SLC39A11: variants seen among roughly 807,000 people sequenced by gnomAD.
The protein encoded by SLC39A11 is solute carrier family 39 member 11.
A neutral mutation model predicts 36.1 loss-of-function variants in SLC39A11; 33 were observed. The ratio of observed to expected loss-of-function variants is 0.91; its 90% CI spans 0.69 to 1.22. The LOEUF (loss-of-function observed/expected upper bound fraction) is 1.22, where lower values mean the gene tolerates loss of function less well. Among genes scored for constraint, SLC39A11 ranks in the 50% most tolerant of loss-of-function variants. The pLI is 0.00. For missense variants in SLC39A11, 432 were observed against 430.3 expected, an observed-to-expected ratio of 1.00 and a Z score of -0.03; for synonymous variants, 166 against 170.3, an observed-to-expected ratio of 0.97 and a Z score of 0.20.
chr17:72,919,681 A>AG (rs1013620667), intron 5 of SLC39A11, among the ~76,000 whole-genome samples: 2 of 146,498 alleles, frequency 1.4e-5, no homozygotes, highest in Non-Finnish European at 3.0e-5. Context: ...AAAAAAAAAA[A>AG]AAAAGAAAAA....
intron 8 of SLC39A11, 71 bp downstream of exon 8, chr17:72,649,099 A>G (rs2069724417): frequency 1.9e-6 from 3 of 1,561,822 alleles, no homozygotes; most frequent in East Asian, 2.3e-5. Flanking sequence ...GCAAAAGCAC[A>G]TCACTGTTTT....
At chr17:72,997,221 C>A (rs767476709) in intron 4 of SLC39A11, among the ~76,000 whole-genome samples, 9 of 152,128 alleles carry the variant, frequency 5.9e-5, no homozygotes, top group Admixed American at 5.9e-4. Context: ...AATGAACGAG[C>A]CGGCCTGCTG....
At chr17:72,891,726 A>G (rs1325717947) in intron 5 of SLC39A11, among the ~76,000 whole-genome samples, 1 of 152,036 alleles carries the variant, frequency 6.6e-6, no homozygotes, top group Non-Finnish European at 1.5e-5. Flanking sequence ...ACACACACAG[A>G]TACATACATA....
chr17:72,956,447 T>G (rs1244506381), intron 4 of SLC39A11, among the ~76,000 whole-genome samples: 1 of 152,246 alleles, frequency 6.6e-6, no homozygotes, highest in Non-Finnish European at 1.5e-5. Flanking sequence ...CTAGGTCTCC[T>G]ACTAGCACGG....
chr17:72,849,753 C>T lies in SLC39A11; in HGVS notation c.482G>A (p.Gly161Asp), dbSNP rs1338912624. The change falls in exon 6 of 10, where the codon GGC becomes GAC. Residue 161 changes from glycine to aspartate, a missense_variant. Coordinates refer to ENST00000255559, the MANE Select transcript of SLC39A11 (RefSeq NM_139177.4). ...AYQRKKAAAT[G>D]LPEGPAVPVP... is the part of the protein sequence containing the mutation. ...AGGGACAGCAGGACCCTCTGGAAGG[C>T]CAGTGGCTGCCGCCTTCTTTCTCTG... 6.2e-7 allele frequency: 1 copy of T among 1,605,528 alleles called. No homozygotes were observed. The highest frequency in any genetic ancestry group is 8.5e-7 in the Non-Finnish European group (1 of 1,177,344).
At chr17:72,917,938 G>C (rs1045648653) in intron 5 of SLC39A11, among the ~76,000 whole-genome samples, 5 of 152,234 alleles carry the variant, frequency 3.3e-5, no homozygotes, top group African/African-American at 1.2e-4. Flanking sequence ...AGGTGGCCAA[G>C]GAACAGAATG....
At chr17:72,803,429 T>C (rs544230984) in intron 6 of SLC39A11, among the ~76,000 whole-genome samples, 3 of 152,220 alleles carry the variant, frequency 2.0e-5, no homozygotes, top group Non-Finnish European at 4.4e-5. Context: ...AGGCATGAAA[T>C]GCCACACGCA....
rs530472987 is a variant in SLC39A11, at chr17:72,906,820, C to A, written c.430+40932G>T. 5.3e-5 allele frequency among the ~76,000 whole-genome samples: 8 copies of A among 152,342 alleles called. No homozygotes were observed. In the South Asian group the frequency reaches 1.7e-3, roughly 32 times the overall value. On this transcript the variant is annotated intron_variant, in intron 5 of 9. Transcript: ENST00000255559. ...TCACTATGATGTGTCTTATCTTCCA[C>A]CTGCTTACACTCACCTGGAAACCTG...
intron 7 of SLC39A11, among the ~76,000 whole-genome samples, chr17:72,727,447 A>T (rs1222823678): frequency 6.6e-6 from 1 of 152,002 alleles, no homozygotes; most frequent in African/African-American, 2.4e-5. Context: ...AGGTCAGGAG[A>T]TGGAGACCAT....
intron 6 of SLC39A11, among the ~76,000 whole-genome samples, chr17:72,801,858 T>C (rs2077095619): frequency 1.3e-5 from 2 of 152,244 alleles, no homozygotes; most frequent in Admixed American, 1.3e-4. Context: ...ATGTCAGTTA[T>C]GCCTCAATAA....
chr17:73,004,214 A>AGGAAGGAAAGAAAGAAAG (rs1568105777), intron 4 of SLC39A11, among the ~76,000 whole-genome samples: 1 of 129,876 alleles, frequency 7.7e-6, no homozygotes, highest in African/African-American at 2.8e-5. Context: ...AAAGAAAGAA[A>AGGAAGGAAAGAAAGAAAG]GAAAGAAAGA....
At chr17:73,074,656 G>A (rs2060265137) in intron 3 of SLC39A11, among the ~76,000 whole-genome samples, 2 of 152,084 alleles carry the variant, frequency 1.3e-5, no homozygotes, top group South Asian at 4.1e-4. Context: ...GAGAACAGCT[G>A]GTCACTATCA....
intron 3 of SLC39A11, among the ~76,000 whole-genome samples, chr17:73,044,785 G>A (rs1260107162): frequency 6.6e-6 from 1 of 151,646 alleles, no homozygotes; most frequent in Non-Finnish European, 1.5e-5. Flanking sequence ...GCTGAGGCAG[G>A]AGAATCACTT....
chr17:73,071,733 G>C (rs2060167834), intron 3 of SLC39A11, among the ~76,000 whole-genome samples: 1 of 152,240 alleles, frequency 6.6e-6, no homozygotes, highest in Admixed American at 6.5e-5. Flanking sequence ...CTCTGCCACT[G>C]TAGTCCAAAA....
chr17:72,660,045 T>C (rs1246800199), intron 7 of SLC39A11, among the ~76,000 whole-genome samples: 4 of 152,176 alleles, frequency 2.6e-5, no homozygotes, highest in Non-Finnish European at 5.9e-5. Context: ...GGGAGGCAGA[T>C]GCCTGTGCTG....
At chr17:72,896,376 A>G (rs533157187) in intron 5 of SLC39A11, among the ~76,000 whole-genome samples, 6 of 151,456 alleles carry the variant, frequency 4.0e-5, no homozygotes, top group Non-Finnish European at 7.4e-5. Flanking sequence ...TAATTTTTCT[A>G]TTTTTAGTAG....
At chr17:72,895,457 T>C (rs975953370) in intron 5 of SLC39A11, among the ~76,000 whole-genome samples, 49 of 152,172 alleles carry the variant, frequency 3.2e-4, no homozygotes, top group African/African-American at 1.1e-3. Context: ...TGCATGCCTG[T>C]AATCCCAGCT....
At chr17:73,083,741 T>C (rs991982956) in intron 3 of SLC39A11, among the ~76,000 whole-genome samples, 1 of 152,006 alleles carries the variant, frequency 6.6e-6, no homozygotes, top group African/African-American at 2.4e-5. Context: ...TGTTAAAAAA[T>C]TAAAGAGACT....
intron 6 of SLC39A11, among the ~76,000 whole-genome samples, chr17:72,811,896 C>T (rs1425590258): frequency 6.6e-6 from 1 of 152,132 alleles, no homozygotes; most frequent in Non-Finnish European, 1.5e-5. Flanking sequence ...ATAACACATG[C>T]TATTAGATGA....
Sources: allele counts gnomAD v4.1 joint callset (sites outside exome capture counted in the v4.1 genomes callset), GRCh38; gene constraint gnomAD v4.1.1; transcripts MANE v1.5; gene names NCBI Gene and HGNC (gene_info 2026-07-23, HGNC 2026-07-21).